Variants in ARRB1 observed in about 807,000 individuals in gnomAD.
ARRB1 encodes arrestin beta 1.
A neutral mutation model predicts 56.8 loss-of-function variants in ARRB1; 21 were observed. The ratio of observed to expected loss-of-function variants is 0.37; its 90% CI spans 0.26 to 0.53. The LOEUF is 0.53. ARRB1 is among the 20% of genes least tolerant of loss of function. The pLI, the probability that ARRB1 is intolerant of heterozygous loss-of-function variation, is 0.88. For missense variants in ARRB1, 424 were observed against 553.7 expected (o/e 0.77, Z 2.35); for synonymous variants, 210 against 218.6 (o/e 0.96, Z 0.35).
At chr11:75,342,231 C>A (rs1947702370) in intron 1 of ARRB1, among the ~76,000 whole-genome samples, 1 of 152,184 alleles carries the variant, frequency 6.6e-6, no homozygotes, top group African/African-American at 2.4e-5. Flanking sequence ...TTCTCACCTT[C>A]CCTCTGCACT....
intron 4 of ARRB1, 106 bp from the exon 5 acceptor site, chr11:75,283,589 C>T (rs1244945665): frequency 2.7e-6 from 3 of 1,112,302 alleles, no homozygotes; most frequent in Non-Finnish European, 3.8e-6. Flanking sequence ...GGCCCCAAGC[C>T]TGTCCCAAGC....
Position 75,262,013 on chromosome 11 carries a change from T to C in ARRB1, c.*4150A>G, listed in dbSNP as rs1945802772. ...GCTCTGGGATGCTGACGCCACTGCA[T>C]CCGCTGTGGCTCGGCTCTCAGGACA... On this transcript the variant is annotated 3_prime_UTR_variant, in exon 16 of 16. Transcript: ENST00000420843. The C allele has an allele frequency of 6.6e-6, 1 of 152,172 alleles. No individual in the cohort carries two copies. The highest frequency in any genetic ancestry group is 2.4e-5 in the African/African-American group (1 of 41,428). The allele number at this position is 152,172 out of a possible 1,614,324, so 9.4% of individuals were successfully genotyped here. A position where few individuals can be genotyped will look rare whatever the true frequency, so the allele number is the denominator to read the frequency against.
Position 75,267,720 on chromosome 11 carries a change from TGGGC to T in ARRB1, c.1094-21_1094-18del. 4 of 658,858 alleles carry T rather than the reference TGGGC, an allele frequency of 6.1e-6. No individual in the cohort carries two copies. Among genetic ancestry groups the T allele is most frequent in the Non-Finnish European group, 1.1e-5 (4 of 363,744 alleles). 40.8% of individuals were successfully genotyped at this position (658,858 alleles called of 1,614,324 possible). Reference sequence around the variant, plus strand: ...TCTCTGGAACTAAACACAGGGTGGGTGGGCAGGGTGTCCAGGGATTAGTGAGTGG... The same window carrying T: ...TCTCTGGAACTAAACACAGGGTGGGTAGGGTGTCCAGGGATTAGTGAGTGG... On this transcript the variant is annotated intron_variant, in intron 14 of 15. Transcript: ENST00000420843.
At chr11:75,289,145 G>A (rs567807) in intron 2 of ARRB1, among the ~76,000 whole-genome samples, 85,625 of 151,966 alleles carry the variant, frequency 0.56, 24,537 homozygotes, top group Non-Finnish European at 0.61. Context: ...GGAAGCACAC[G>A]TGGTGCTATT....
At chr11:75,336,549 A>G (rs1426103513) in intron 1 of ARRB1, among the ~76,000 whole-genome samples, 2 of 152,168 alleles carry the variant, frequency 1.3e-5, no homozygotes, top group Non-Finnish European at 2.9e-5. Context: ...ATGAGAAGAT[A>G]CTGTAGGGTG....
intron 5 of ARRB1, 47 bp from the exon 6 acceptor site, chr11:75,282,068 T>TC: frequency 6.2e-7 from 1 of 1,601,582 alleles, no homozygotes; most frequent in South Asian, 1.1e-5. Context: ...TCCACCACTG[T>TC]CCTGTCTCAT....
chr11:75,281,921 A>T, intron 6 of ARRB1, 41 bp downstream of exon 6: 3 of 1,600,610 alleles, frequency 1.9e-6, no homozygotes, highest in Non-Finnish European at 2.6e-6. Context: ...GGGACATGAG[A>T]CTCCTGGAGC....
intron 1 of ARRB1, among the ~76,000 whole-genome samples, chr11:75,343,223 G>T (rs1417616572): frequency 6.6e-6 from 1 of 152,212 alleles, no homozygotes; most frequent in Non-Finnish European, 1.5e-5. Flanking sequence ...CTGAGAGAGA[G>T]AGATTACAAG....
intron 1 of ARRB1, among the ~76,000 whole-genome samples, chr11:75,323,055 G>A (rs552348615): frequency 1.3e-5 from 2 of 152,298 alleles, no homozygotes; most frequent in African/African-American, 4.8e-5. Flanking sequence ...AGATTAGGGA[G>A]GTAGCAATGA....
intron 1 of ARRB1, among the ~76,000 whole-genome samples, chr11:75,328,742 G>C (rs1019308589): frequency 2.6e-5 from 4 of 152,218 alleles, no homozygotes; most frequent in African/African-American, 9.7e-5. Flanking sequence ...ATGGGCTCCT[G>C]TCCAGCCAAG....
chr11:75,288,291 A>G (rs1946528561), intron 2 of ARRB1, among the ~76,000 whole-genome samples: 1 of 152,360 alleles, frequency 6.6e-6, no homozygotes, highest in South Asian at 2.1e-4. Context: ...TCACACAGTT[A>G]GCAGTTCTGT....
At chr11:75,270,396 G>A (rs35845756) in intron 13 of ARRB1, among the ~76,000 whole-genome samples, 192 of 152,224 alleles carry the variant, frequency 1.3e-3, no homozygotes, top group African/African-American at 4.3e-3. Context: ...TTGGGAGGCC[G>A]AGGCGGGTGG....
At chr11:75,346,061 A>T (rs182433760) in intron 1 of ARRB1, among the ~76,000 whole-genome samples, 1 of 152,068 alleles carries the variant, frequency 6.6e-6, no homozygotes, top group Admixed American at 6.6e-5. Flanking sequence ...AGCATCCAAG[A>T]CCTGCTGGCC....
intron 1 of ARRB1, among the ~76,000 whole-genome samples, chr11:75,331,001 T>C (rs1947511461): frequency 6.6e-6 from 1 of 152,228 alleles, no homozygotes; most frequent in Admixed American, 6.5e-5. Context: ...GGGAGAGGCA[T>C]ATTTCAGATG....
chr11:75,297,240 C>A (rs1946771758), intron 1 of ARRB1, among the ~76,000 whole-genome samples: 1 of 149,786 alleles, frequency 6.7e-6, no homozygotes. Flanking sequence ...AAGGAAATGC[C>A]AGGGATCCAG....
rs185843981 is a variant in ARRB1, at chr11:75,312,168, C to T, written c.21-22129G>A. ...CTCCTTCCTCCACCCTCGCCCTCCCCGGGGAGTGGTGAGCTCAGCCTTTCC... is the reference window on the plus strand; with the variant it reads ...CTCCTTCCTCCACCCTCGCCCTCCCTGGGGAGTGGTGAGCTCAGCCTTTCC... On this transcript the variant is annotated intron_variant, in intron 1 of 15. Transcript: ENST00000420843. 52 of 1,286,714 alleles carry T rather than the reference C, an allele frequency of 4.0e-5. No homozygotes were observed. The Admixed American group carries it at 7.1e-4, about 18-fold the overall frequency. The allele number at this position is 1,286,714 out of a possible 1,614,324, so 79.7% of individuals were successfully genotyped here.
chr11:75,273,061 T>G, intron 11 of ARRB1, 83 bp from the exon 12 acceptor site: 2 of 1,172,028 alleles, frequency 1.7e-6, no homozygotes, highest in Admixed American at 3.8e-5. Context: ...TGGGGGGCAG[T>G]GGCCGTCCAT....
At chr11:75,351,380 C>T (rs537680620) in intron 1 of ARRB1, among the ~76,000 whole-genome samples, 133 of 152,362 alleles carry the variant, frequency 8.7e-4, no homozygotes, top group African/African-American at 3.1e-3. Context: ...CTGCGGCCCA[C>T]ATGGGGCGGC....
At chr11:75,327,276 T>C (rs1399940335) in intron 1 of ARRB1, among the ~76,000 whole-genome samples, 1 of 113,072 alleles carries the variant, frequency 8.8e-6, no homozygotes, top group Non-Finnish European at 1.6e-5. Flanking sequence ...CACTCCAGCC[T>C]GGGTGACAGA....
Sources: gnomAD v4.1 joint callset for allele counts (sites outside exome capture counted in the v4.1 genomes callset) on GRCh38, gnomAD v4.1.1 for gene constraint, MANE v1.5 for transcripts, NCBI Gene and HGNC (gene_info 2026-07-23, HGNC 2026-07-21) for gene names.